USP8: variants seen among roughly 807,000 people sequenced by gnomAD.
The protein encoded by USP8 is ubiquitin specific peptidase 8.
A neutral mutation model predicts 130.0 loss-of-function variants in USP8; 27 were observed. That is an observed-to-expected ratio of 0.21 (90% CI 0.15 to 0.29). The LOEUF is 0.29. Ranked by LOEUF, USP8 falls within the 10% of genes least tolerant of loss-of-function variation. The pLI, the probability that USP8 is intolerant of heterozygous loss-of-function variation, is 1.00. For synonymous variants in USP8, 392 were observed against 444.1 expected (o/e 0.88, Z 1.48); for missense variants, 1,029 against 1,312.2 (o/e 0.78, Z 3.33).
At chr15:50,485,851 A>G (rs367788283) in intron 12 of USP8, among the ~76,000 whole-genome samples, 3 of 152,232 alleles carry the variant, frequency 2.0e-5, no homozygotes, top group Admixed American at 6.5e-5. Context: ...CATATAACCT[A>G]TACACATCCT....
chr15:50,436,090 T>G (rs1443325646), intron 1 of USP8, among the ~76,000 whole-genome samples: 1 of 152,162 alleles, frequency 6.6e-6, no homozygotes, highest in Non-Finnish European at 1.5e-5. Context: ...CTCTTCTTAG[T>G]TTTAATCACT....
intron 1 of USP8, among the ~76,000 whole-genome samples, chr15:50,425,058 G>T (rs937490633): frequency 6.6e-6 from 1 of 151,572 alleles, no homozygotes; most frequent in African/African-American, 2.4e-5. Flanking sequence ...TAATTTCACC[G>T]CCACTCCACC....
chr15:50,440,806 C>T (rs1250391441), intron 2 of USP8, among the ~76,000 whole-genome samples: 1 of 151,926 alleles, frequency 6.6e-6, no homozygotes, highest in African/African-American at 2.4e-5. Context: ...AGTTCAAGAC[C>T]AGCCTGACTA....
At chr15:50,434,747 G>C (rs28716814) in intron 1 of USP8, among the ~76,000 whole-genome samples, 1 of 151,904 alleles carries the variant, frequency 6.6e-6, no homozygotes, top group African/African-American at 2.4e-5. Context: ...CTCCTGAATA[G>C]CTGGAATTAC....
At chr15:50,448,710 G>C in intron 3 of USP8, among the ~76,000 whole-genome samples, 1 of 151,970 alleles carries the variant, frequency 6.6e-6, no homozygotes, top group East Asian at 1.9e-4. Context: ...AGTAGACATG[G>C]GGTTTCACCA....
rs528080144 is a variant in USP8, at chr15:50,473,567, A to G, written c.849+1772A>G. ...TAGACTTGAGTGCAGTGGCACAATC[A>G]TAGCTCACTGCAGCCTTGAACTCCT... is the stretch of plus-strand genomic sequence containing the variant. On this transcript the variant is annotated intron_variant, in intron 8 of 19. Transcript: ENST00000307179. 2.6e-5 allele frequency among the ~76,000 whole-genome samples: 4 copies of G among 151,830 alleles called. No homozygotes were observed. The East Asian group carries it at 7.8e-4, about 29-fold the overall frequency.
At position 50,471,637 on chromosome 15, in the gene USP8, A is replaced by G. The variant is rs1389954512; in HGVS notation, c.691A>G (p.Thr231Ala). 1 of 1,610,116 alleles carries G rather than the reference A, an allele frequency of 6.2e-7. No homozygotes were observed. The highest frequency in any genetic ancestry group is 1.1e-5 in the South Asian group (1 of 90,052). The part of the protein sequence containing the change: ...VPEEAISPGV[T>A]ASWIEAHLPD... ...TTAAATATTAATACATTTCAGAGTC[A>G]CTGCTAGTTGGATTGAAGCACACCT... The change falls in exon 8 of 20, where the codon ACT becomes GCT. Residue 231 changes from threonine (T) to alanine (A), a missense_variant. This residue lies in a region of USP8 where 281 missense variants were observed against 336.7 expected (regional missense o/e 0.83). Coordinates refer to ENST00000307179, the MANE Select transcript of USP8 (RefSeq NM_005154.5).
chr15:50,455,630 T>C (rs1326886533), intron 4 of USP8, among the ~76,000 whole-genome samples: 1 of 152,240 alleles, frequency 6.6e-6, no homozygotes, highest in Non-Finnish European at 1.5e-5. Context: ...AATAAAATTA[T>C]AGGCTCTGCA....
In USP8 at chr15:50,477,285, C is replaced by T; in HGVS notation, c.1004C>T (p.Thr335Ile). 6.2e-7 allele frequency: 1 copy of T among 1,611,500 alleles called. No homozygotes were observed. The highest frequency in any genetic ancestry group is 1.7e-5 in the Admixed American group (1 of 59,252). Residue 335 changes from threonine to isoleucine, a missense_variant, in exon 10 of 20, where the codon ACT becomes ATT. Thr to Ile is a moderately conservative substitution (Grantham distance 89). Coordinates refer to ENST00000307179, the MANE Select transcript of USP8 (RefSeq NM_005154.5). The part of the protein sequence containing the change: ...NEEVSISLDF[T>I]YPSLEESIPS... ...ATTTTTGGAATTTTAGTGGATTTTA[C>T]TTATCCCTCATTGGAAGAATCAATT...
At chr15:50,474,981 C>T (rs930122978) in intron 8 of USP8, among the ~76,000 whole-genome samples, 3 of 152,022 alleles carry the variant, frequency 2.0e-5, no homozygotes, top group Admixed American at 6.6e-5. Flanking sequence ...TGATGGCGGG[C>T]GCCTGTGATC....
intron 7 of USP8, among the ~76,000 whole-genome samples, chr15:50,465,917 A>C (rs1383882903): frequency 6.6e-6 from 1 of 152,222 alleles, no homozygotes; most frequent in African/African-American, 2.4e-5. Context: ...TATCTTACAG[A>C]GGTTTCAGGA....
intron 3 of USP8, among the ~76,000 whole-genome samples, chr15:50,448,044 A>C (rs1034572215): frequency 8.5e-5 from 13 of 152,052 alleles, no homozygotes; most frequent in Non-Finnish European, 4.4e-5. Flanking sequence ...CACATGGCCT[A>C]CTGTTAGTTT....
chr15:50,479,704 GAAA>G (rs2051695661), intron 10 of USP8, among the ~76,000 whole-genome samples: 1 of 151,322 alleles, frequency 6.6e-6, no homozygotes, highest in South Asian at 2.1e-4. Context: ...TTAAGAGGCA[GAAA>G]GAGAAGTGAA....
At chr15:50,465,006 T>G in intron 6 of USP8, 41 bp from the exon 7 acceptor site, 2 of 1,606,200 alleles carry the variant, frequency 1.2e-6, no homozygotes, top group Non-Finnish European at 1.7e-6. Flanking sequence ...GCACATCTTG[T>G]GCTGTTTCTT....
rs1474174170 is a variant in USP8, at chr15:50,484,366, G to A, written c.1890+5G>A. ...GACGATACCGAAAGAAATAAAGTAA[G>A]TAGTTTATTGCAGGAAAAAACTGGA... On this transcript the variant is annotated splice_donor_5th_base_variant and intron_variant, in intron 12 of 19. Coordinates refer to ENST00000307179, the MANE Select transcript of USP8 (RefSeq NM_005154.5). 2 of 1,604,922 alleles carry A rather than the reference G, an allele frequency of 1.2e-6. No individual in the cohort carries two copies. Among genetic ancestry groups the A allele is most frequent in the Non-Finnish European group, 1.7e-6 (2 of 1,175,602 alleles).
chr15:50,488,918 G>C (rs892283589), intron 12 of USP8, among the ~76,000 whole-genome samples: 5 of 151,924 alleles, frequency 3.3e-5, no homozygotes, highest in African/African-American at 1.2e-4. Flanking sequence ...CGGGGTCTGT[G>C]TTGCCCAGGC....
chr15:50,469,465 G>A (rs1595948437), intron 7 of USP8, among the ~76,000 whole-genome samples: 1 of 152,214 alleles, frequency 6.6e-6, no homozygotes, highest in East Asian at 1.9e-4. Context: ...TACCCCTAGG[G>A]TTGGAAATAG....
chr15:50,466,740 T>A (rs143073207), intron 7 of USP8: 63 of 224,584 alleles, frequency 2.8e-4, no homozygotes, highest in African/African-American at 1.4e-3. Flanking sequence ...ACAGCAGCCG[T>A]GGCTTTTAAA....
In USP8 at chr15:50,498,956, A is replaced by C; in HGVS notation, c.3225A>C (p.Ala1075=). The change falls in exon 20 of 20, where the codon GCA becomes GCC. Residue 1075 remains alanine (A), a synonymous_variant. Coordinates refer to ENST00000307179, the MANE Select transcript of USP8 (RefSeq NM_005154.5). The part of the protein sequence containing the change: ...GGHYTAYCKN[A]ARQRWFKFDD... ...ACTACACAGCCTATTGTAAAAATGC[A>C]GCAAGACAACGGTGGTTTAAGTTTG... 6.2e-7 allele frequency: 1 copy of C among 1,613,996 alleles called. No individual in the cohort carries two copies. Among genetic ancestry groups the C allele is most frequent in the Non-Finnish European group, 8.5e-7 (1 of 1,179,880 alleles).
Sources: allele counts gnomAD v4.1 joint callset (sites outside exome capture counted in the v4.1 genomes callset), GRCh38; gene constraint gnomAD v4.1.1; regional missense constraint gnomAD v4.1.1; transcripts MANE v1.5; gene names NCBI Gene and HGNC (gene_info 2026-07-23, HGNC 2026-07-21).